EBF3: variants seen among roughly 807,000 people sequenced by gnomAD.
EBF3 encodes transcription factor COE3.
EBF3 carries 18 observed loss-of-function variants against 77.1 expected under a neutral mutation model. That is an observed-to-expected ratio of 0.23 (90% CI 0.16 to 0.35). The LOEUF (loss-of-function observed/expected upper bound fraction) is 0.35. Ranked by LOEUF, EBF3 falls within the 10% of genes least tolerant of loss-of-function variation. EBF3 has a pLI of 1.00. For synonymous variants in EBF3, 350 were observed against 343.5 expected (o/e 1.02, Z -0.21); for missense variants, 558 against 860.0 (o/e 0.65, Z 4.39).
chr10:129,887,029 G>A (rs1029017895), intron 6 of EBF3, among the ~76,000 whole-genome samples: 2 of 141,550 alleles, frequency 1.4e-5, no homozygotes, highest in African/African-American at 2.6e-5. Context: ...CAGGCCCGGG[G>A]AAGAGGCTGG....
chr10:129,876,347 T>A (rs1852770356), intron 7 of EBF3, among the ~76,000 whole-genome samples: 1 of 152,184 alleles, frequency 6.6e-6, no homozygotes, highest in African/African-American at 2.4e-5. Context: ...CAGTCATTGG[T>A]GAGACAAAGA....
At chr10:129,878,989 G>A (rs141404167) in intron 6 of EBF3, among the ~76,000 whole-genome samples, 60 of 152,218 alleles carry the variant, frequency 3.9e-4, no homozygotes, top group African/African-American at 1.2e-3. Context: ...TCCATTTCCC[G>A]CCATGCCTTG....
At chr10:129,892,026 C>T (rs772331491) in intron 6 of EBF3, among the ~76,000 whole-genome samples, 2 of 152,222 alleles carry the variant, frequency 1.3e-5, no homozygotes, top group Admixed American at 6.5e-5. Context: ...TTGATGGGCC[C>T]GCCTCTCTCT....
In EBF3 at chr10:129,841,638, C is replaced by T. The variant is rs943996020; in HGVS notation, c.1372+478G>A. ...AATGGACCCAAATGGCAAGATGCAGCGGCCTTGGCTGGCCCAGGACACTGC... is the reference window on the plus strand; with the variant it reads ...AATGGACCCAAATGGCAAGATGCAGTGGCCTTGGCTGGCCCAGGACACTGC... On this transcript the variant is annotated intron_variant, in intron 13 of 16. Transcript: ENST00000440978. The surrounding 1 kb of genome is among the most constrained non-coding windows in gnomAD (Gnocchi z 4.6). 5.3e-5 allele frequency among the ~76,000 whole-genome samples: 8 copies of T among 152,128 alleles called. No homozygotes were observed. Among genetic ancestry groups the T allele is most frequent in the African/African-American group, 1.4e-4 (6 of 41,412 alleles).
At chr10:129,962,144 C>G in intron 4 of EBF3, 27 bp downstream of exon 4, 1 of 1,613,680 alleles carries the variant, frequency 6.2e-7, no homozygotes, top group Non-Finnish European at 8.5e-7. Flanking sequence ...GCAGTGAAAA[C>G]TCGTGCAGAG....
At chr10:129,958,787 C>A in intron 5 of EBF3, 147 bp downstream of exon 5, 1 of 1,112,428 alleles carries the variant, frequency 9.0e-7, no homozygotes, top group Non-Finnish European at 1.2e-6. Context: ...CCTCCGCGGC[C>A]CGGCGCGCGG....
At chr10:129,915,546 C>T (rs1249254808) in intron 6 of EBF3, among the ~76,000 whole-genome samples, 2 of 151,678 alleles carry the variant, frequency 1.3e-5, no homozygotes, top group Non-Finnish European at 2.9e-5. Context: ...GTCGGGGAGC[C>T]CATTCTTGCG....
intron 6 of EBF3, among the ~76,000 whole-genome samples, chr10:129,950,482 C>T (rs528181090): frequency 1.3e-5 from 2 of 152,322 alleles, no homozygotes; most frequent in South Asian, 4.1e-4. Flanking sequence ...TGCTCTCTAT[C>T]GAATTGTTGG....
chr10:129,874,069 T>C (rs564638936), intron 7 of EBF3, among the ~76,000 whole-genome samples: 1 of 152,324 alleles, frequency 6.6e-6, no homozygotes, highest in Non-Finnish European at 1.5e-5. Context: ...TCAGGAACAT[T>C]CCTACTGCCC....
rs766595509 is a variant in EBF3, at chr10:129,837,979, G to A, written c.1873-19C>T. The A allele has an allele frequency of 6.8e-6, 11 of 1,613,996 alleles. 1 individual carries two copies. In the Admixed American group the frequency reaches 1.3e-4, roughly 20 times the overall value. ...GACATAGCTGCAAGACAGAAGGACA[G>A]AGCAGTTACTGCAGGCTCCCCCACG... On this transcript the variant is annotated intron_variant, in intron 16 of 16. Transcript: ENST00000440978.
At chr10:129,899,686 C>T (rs560084980) in intron 6 of EBF3, among the ~76,000 whole-genome samples, 6 of 152,086 alleles carry the variant, frequency 3.9e-5, no homozygotes, top group East Asian at 1.9e-4. Context: ...GGGCCACACT[C>T]GCAGAACCGG....
intron 5 of EBF3, among the ~76,000 whole-genome samples, chr10:129,958,493 A>C (rs560773396): frequency 1.3e-5 from 2 of 152,330 alleles, no homozygotes; most frequent in Admixed American, 1.3e-4. Flanking sequence ...TAACTGACAG[A>C]ATCACAATCC....
At position 129,848,057 on chromosome 10, in the gene EBF3, A is replaced by C. The variant is rs963389592; in HGVS notation, c.1128+335T>G. The stretch of plus-strand genomic sequence containing the variant: ...AGGCCACTGGAGTGGAAAATGTTTA[A>C]TTGAACTATTTCATTACGCGGAAGT... On this transcript the variant is annotated intron_variant, in intron 11 of 16. Coordinates refer to ENST00000440978, the MANE Select transcript of EBF3 (RefSeq NM_001375380.1). This position sits in a 1 kb window ranked among gnomAD's most constrained non-coding sequence, Gnocchi z 4.4. Among the ~76,000 whole-genome samples, 1 of 152,242 alleles carries C rather than the reference A, an allele frequency of 6.6e-6. No homozygotes were observed. The highest frequency in any genetic ancestry group is 6.5e-5 in the Admixed American group (1 of 15,284).
At chr10:129,958,044 C>G (rs1034188309) in intron 5 of EBF3, among the ~76,000 whole-genome samples, 2 of 152,210 alleles carry the variant, frequency 1.3e-5, no homozygotes, top group Non-Finnish European at 2.9e-5. Flanking sequence ...TAAATCACAT[C>G]TGTGCGCTTT....
chr10:129,910,664 T>C (rs1211912997), intron 6 of EBF3, among the ~76,000 whole-genome samples: 3 of 152,046 alleles, frequency 2.0e-5, no homozygotes, highest in Non-Finnish European at 4.4e-5. Context: ...CCCCCTTCTT[T>C]TCCCCATCAC....
At chr10:129,898,392 C>A (rs915213113) in intron 6 of EBF3, among the ~76,000 whole-genome samples, 1 of 151,992 alleles carries the variant, frequency 6.6e-6, no homozygotes, top group Admixed American at 6.6e-5. Flanking sequence ...TTCTTTGGGG[C>A]GGCTGAGAAA....
intron 6 of EBF3, among the ~76,000 whole-genome samples, chr10:129,934,359 C>T (rs557142855): frequency 1.6e-4 from 25 of 152,230 alleles, no homozygotes; most frequent in African/African-American, 5.3e-4. Context: ...AGATCCTGGG[C>T]TCCATCTTCA....
Position 129,947,681 on chromosome 10 carries a change from C to A in EBF3, c.554+9577G>T. ...TCTTTCTTTGCAAAGGAACCAAATG[C>A]TTTGAAAAAAAAAAAAAAAGAAGGG... On this transcript the variant is annotated intron_variant, in intron 6 of 16. Transcript: ENST00000440978. The surrounding 1 kb of genome is among the most constrained non-coding windows in gnomAD (Gnocchi z 4.5). Among the ~76,000 whole-genome samples, 1 of 146,662 alleles carries A rather than the reference C, an allele frequency of 6.8e-6. No individual in the cohort carries two copies.
Position 129,885,162 on chromosome 10 carries a change from T to C in EBF3, c.555-7313A>G, listed in dbSNP as rs1373064007. Among the ~76,000 whole-genome samples, 3 of 152,222 alleles carry C rather than the reference T, an allele frequency of 2.0e-5. No individual in the cohort carries two copies. Among genetic ancestry groups the C allele is most frequent in the Non-Finnish European group, 2.9e-5 (2 of 68,042 alleles). On this transcript the variant is annotated intron_variant, in intron 6 of 16. Coordinates refer to ENST00000440978, the MANE Select transcript of EBF3 (RefSeq NM_001375380.1). The surrounding 1 kb of genome is among the most constrained non-coding windows in gnomAD (Gnocchi z 4.0). ...TGTCAAGAGGCACTTATAGATACCA[T>C]GATCTTGTACTTTTGCAATGATTCT...
Sources: allele counts gnomAD v4.1 joint callset (sites outside exome capture counted in the v4.1 genomes callset), GRCh38; gene constraint gnomAD v4.1.1; non-coding constraint Gnocchi (gnomAD v3.1); transcripts MANE v1.5; gene names NCBI Gene and HGNC (gene_info 2026-07-23, HGNC 2026-07-21).